RXRG: variants seen among roughly 807,000 people sequenced by gnomAD.
The protein encoded by RXRG is retinoic acid receptor RXR-gamma.
RXRG carries 19 observed loss-of-function variants against 49.2 expected under a neutral mutation model. The observed-to-expected ratio is 0.39, with a 90% confidence interval of 0.27 to 0.57. The LOEUF (loss-of-function observed/expected upper bound fraction) is 0.57. Among genes scored for constraint, RXRG ranks in the 20% least tolerant of loss-of-function variants. The probability of loss-of-function intolerance (pLI) is 0.64; values close to 1 mark genes in which losing one functional copy is unlikely to be tolerated. For synonymous variants in RXRG, 224 were observed against 216.6 expected, an observed-to-expected ratio of 1.03 and a Z score of -0.30; for missense variants, 452 against 592.5, an observed-to-expected ratio of 0.76 and a Z score of 2.46.
In RXRG at chr1:165,419,926, G is replaced by T. The variant is rs1056208366; in HGVS notation, c.386C>A (p.Thr129Asn). 1.2e-6 allele frequency: 2 copies of T among 1,613,438 alleles called. No homozygotes were observed. Among genetic ancestry groups the T allele is most frequent in the East Asian group, 2.2e-5 (1 of 44,874 alleles). The change falls in exon 3 of 10, where the codon ACC (threonine) becomes AAC (asparagine). Residue 129 changes from threonine (T) to asparagine (N), a missense_variant. Transcript: ENST00000359842. The stretch of plus-strand genomic sequence containing the variant: ...GTGTTTAACCAGAGATCCGGGGCTG[G>T]TGGATGGGTAGTTCATGTTTCCAAT... The part of the protein sequence containing the change: ...PGIGNMNYPS[T>N]SPGSLVKHIC...
At chr1:165,441,824 G>A (rs180944659) in intron 1 of RXRG, among the ~76,000 whole-genome samples, 187 of 152,286 alleles carry the variant, frequency 1.2e-3, no homozygotes, top group Non-Finnish European at 1.3e-3. Flanking sequence ...GGCAAACCCT[G>A]GACTTGGCAG....
chr1:165,430,386 T>C (rs954215563), intron 1 of RXRG, among the ~76,000 whole-genome samples: 2 of 152,250 alleles, frequency 1.3e-5, no homozygotes, highest in African/African-American at 2.4e-5. Context: ...AGAAACTGGC[T>C]TCTTTCAAGT....
chr1:165,429,112 C>A (rs1478579935), intron 1 of RXRG, 146 bp from the exon 2 acceptor site: 3 of 786,794 alleles, frequency 3.8e-6, no homozygotes, highest in Non-Finnish European at 5.9e-6. Context: ...GGTGCTCTCA[C>A]CTACACTACC....
At chr1:165,422,241 A>G (rs1407128523) in intron 2 of RXRG, among the ~76,000 whole-genome samples, 1 of 152,194 alleles carries the variant, frequency 6.6e-6, no homozygotes. Context: ...GTGCTAATTA[A>G]TTATGTTAAT....
Position 165,410,775 on chromosome 1 carries a change from G to T in RXRG, c.840C>A (p.Leu280=). ...CHAADKQLFT[L]VEWAKRIPHF... ...GGGGAATACGCTTGGCCCATTCAACGAGGGTGAAAAGCTGCTTGTCAGCAG... is the reference window on the plus strand; with the variant it reads ...GGGGAATACGCTTGGCCCATTCAACTAGGGTGAAAAGCTGCTTGTCAGCAG... Residue 280 remains leucine (L), a synonymous_variant, in exon 6 of 10, where the codon CTC becomes CTA. Transcript: ENST00000359842. 1 of 1,614,134 alleles carries T rather than the reference G, an allele frequency of 6.2e-7. No individual in the cohort carries two copies. Among genetic ancestry groups the T allele is most frequent in the South Asian group, 1.1e-5 (1 of 91,082 alleles).
chr1:165,419,965 G>A lies in RXRG; in HGVS notation c.347C>T (p.Pro116Leu), dbSNP rs1658257005. The part of the protein sequence containing the change: ...VSSSEDIKPL[P>L]GLPGIGNMNY... ...CATGTTTCCAATCCCGGGAAGCCCT[G>A]GTAAGGGCTTGATGTCCTCTGAACT... Residue 116 changes from proline (P) to leucine (L), a missense_variant, in exon 3 of 10, where the codon CCA becomes CTA. This residue lies in a region of RXRG where 166 missense variants were observed against 151.7 expected (regional missense o/e 1.09). Transcript: ENST00000359842. 6.2e-7 allele frequency: 1 copy of A among 1,612,572 alleles called. No individual in the cohort carries two copies. The highest frequency in any genetic ancestry group is 1.3e-5 in the African/African-American group (1 of 74,994).
intron 8 of RXRG, 57 bp downstream of exon 8, chr1:165,408,170 G>T: frequency 7.7e-7 from 1 of 1,304,776 alleles, no homozygotes; most frequent in Non-Finnish European, 1.1e-6. Context: ...GAGCACTGGA[G>T]GTTGACCGTG....
At chr1:165,415,382 A>T (rs1658091986) in intron 4 of RXRG, among the ~76,000 whole-genome samples, 1 of 152,166 alleles carries the variant, frequency 6.6e-6, no homozygotes, top group South Asian at 2.1e-4. Context: ...TCTGGGTGAG[A>T]AGGAAAGACA....
chr1:165,408,886 TG>T (rs1266008286), intron 7 of RXRG, among the ~76,000 whole-genome samples: 2 of 152,210 alleles, frequency 1.3e-5, no homozygotes, highest in African/African-American at 4.8e-5. Flanking sequence ...AACGGGGCCC[TG>T]GCATTGGACA....
At chr1:165,410,407 C>T (rs1241974596) in intron 6 of RXRG, among the ~76,000 whole-genome samples, 1 of 152,172 alleles carries the variant, frequency 6.6e-6, no homozygotes, top group Non-Finnish European at 1.5e-5. Context: ...CCTCTATTTG[C>T]CAATTTCATT....
chr1:165,428,378 G>A lies in RXRG; in HGVS notation c.297+341C>T, dbSNP rs1366606841. 3.3e-5 allele frequency among the ~76,000 whole-genome samples: 5 copies of A among 152,214 alleles called. No homozygotes were observed. In the East Asian group the frequency reaches 9.6e-4, roughly 29 times the overall value. On this transcript the variant is annotated intron_variant, in intron 2 of 9. Coordinates refer to ENST00000359842, the MANE Select transcript of RXRG (RefSeq NM_006917.5). ...TTTAACAAGAGCACGTGGCACTTCA[G>A]TGACTCAATAAATGCTCATGATTGA...
At chr1:165,438,832 T>G (rs3820367) in intron 1 of RXRG, among the ~76,000 whole-genome samples, 32,593 of 152,180 alleles carry the variant, frequency 0.21, 3,950 homozygotes, top group East Asian at 0.49. Flanking sequence ...TAAACTAGTT[T>G]GTATTTGTTC....
chr1:165,408,354 G>GTT, intron 7 of RXRG, 36 bp from the exon 8 acceptor site: 1 of 1,452,720 alleles, frequency 6.9e-7, no homozygotes, highest in Non-Finnish European at 9.7e-7. Flanking sequence ...TGAGAAAACC[G>GTT]TAAGTAACAG....
Position 165,408,303 on chromosome 1 carries a change from C to G in RXRG, c.1062G>C (p.Leu354=), listed in dbSNP as rs756431501. 6.2e-7 allele frequency: 1 copy of G among 1,612,870 alleles called. No individual in the cohort carries two copies. The highest frequency in any genetic ancestry group is 8.5e-7 in the Non-Finnish European group (1 of 1,178,858). ...TCTGCATGTCTTTCATTTTGGAAAC[C>G]AGCTCAGTTAGGACTCTGTTAACAG... ...GSIFDRVLTE[L]VSKMKDMQMD... is the part of the protein sequence containing the mutation. The change falls in exon 8 of 10, where the codon CTG becomes CTC. Residue 354 remains leucine, a synonymous_variant. Coordinates refer to ENST00000359842, the MANE Select transcript of RXRG (RefSeq NM_006917.5).
intron 1 of RXRG, among the ~76,000 whole-genome samples, chr1:165,436,657 A>G (rs1021322120): frequency 8.5e-5 from 13 of 152,182 alleles, no homozygotes; most frequent in African/African-American, 2.7e-4. Flanking sequence ...GCAGGCACTC[A>G]TGAGGTCAGA....
At chr1:165,417,365 A>G (rs766097556) in intron 3 of RXRG, 145 bp from the exon 4 acceptor site, 4 of 662,650 alleles carry the variant, frequency 6.0e-6, no homozygotes, top group Non-Finnish European at 9.9e-6. Flanking sequence ...CTAGCAGAGA[A>G]TGCAGGCTTG....
intron 2 of RXRG, among the ~76,000 whole-genome samples, chr1:165,427,507 A>C (rs1366650187): frequency 6.6e-6 from 1 of 152,114 alleles, no homozygotes; most frequent in Non-Finnish European, 1.5e-5. Flanking sequence ...TGGTGGCACT[A>C]TCTCAGCTCA....
At chr1:165,415,770 G>A (rs1190709967) in intron 4 of RXRG, among the ~76,000 whole-genome samples, 1 of 152,192 alleles carries the variant, frequency 6.6e-6, no homozygotes. Flanking sequence ...CAGGAGCTGA[G>A]ATTTGGGTCT....
intron 1 of RXRG, 130 bp downstream of exon 1, chr1:165,444,715 C>A: frequency 1.3e-6 from 1 of 794,214 alleles, no homozygotes; most frequent in South Asian, 1.6e-5. Flanking sequence ...ACGCTATATA[C>A]ACACTATATA....
Sources: gnomAD v4.1 joint callset for allele counts (sites outside exome capture counted in the v4.1 genomes callset) on GRCh38, gnomAD v4.1.1 for gene constraint, gnomAD v4.1.1 regional missense constraint, MANE v1.5 for transcripts, NCBI Gene and HGNC (gene_info 2026-07-23, HGNC 2026-07-21) for gene names.